Variants in B4GALNT3 observed in about 807,000 individuals in gnomAD.
B4GALNT3 encodes the protein beta-1,4-N-acetyl-galactosaminyltransferase 3.
B4GALNT3 carries 86 observed loss-of-function variants against 120.2 expected under a neutral mutation model. The ratio of observed to expected loss-of-function variants is 0.72; its 90% CI spans 0.60 to 0.86. B4GALNT3 has a LOEUF of 0.86. B4GALNT3 is among the 40% of genes least tolerant of loss of function. The pLI is 0.00. For missense variants in B4GALNT3, 1,167 were observed against 1,298.9 expected (o/e 0.90, Z 1.56); for synonymous variants, 518 against 510.4 (o/e 1.01, Z -0.20).
At chr12:558,168 G>A in intron 17 of B4GALNT3, 80 bp downstream of exon 17, 1 of 1,485,410 alleles carries the variant, frequency 6.7e-7, no homozygotes, top group South Asian at 1.1e-5. Context: ...TAAATGAGGT[G>A]GTGAGCCCCT....
intron 1 of B4GALNT3, among the ~76,000 whole-genome samples, chr12:525,092 T>TTATTTATTTATTTATG (rs370435582): frequency 0.14 from 20,420 of 151,042 alleles, 1,969 homozygotes; most frequent in Admixed American, 0.29. Context: ...ACAATTTTAT[T>TTATTTATTTATTTATG]TATTTATTTA....
chr12:532,919 C>T (rs1012682864), intron 1 of B4GALNT3, among the ~76,000 whole-genome samples: 5 of 152,204 alleles, frequency 3.3e-5, no homozygotes, highest in African/African-American at 4.8e-5. Flanking sequence ...AGCTGAAGAC[C>T]GTCTTCGAGA....
chr12:515,951 C>T (rs1419310050), intron 1 of B4GALNT3, among the ~76,000 whole-genome samples: 2 of 151,680 alleles, frequency 1.3e-5, no homozygotes, highest in South Asian at 2.1e-4. Flanking sequence ...TCCTGGCTAA[C>T]GTGGTGAAAC....
At chr12:464,386 T>C (rs1437046895) in intron 1 of B4GALNT3, among the ~76,000 whole-genome samples, 1 of 152,042 alleles carries the variant, frequency 6.6e-6, no homozygotes, top group African/African-American at 2.4e-5. Context: ...TCCCAGCACT[T>C]TGGGAGGCCG....
chr12:548,398 C>T lies in B4GALNT3; in HGVS notation c.853+101C>T. 9.0e-7 allele frequency: 1 copy of T among 1,115,804 alleles called. No homozygotes were observed. The highest frequency in any genetic ancestry group is 1.3e-6 in the Non-Finnish European group (1 of 745,832). The allele number at this position is 1,115,804 out of a possible 1,614,324, so 69.1% of individuals were successfully genotyped here. Reference sequence around the variant, plus strand: ...GGAGGGGAGGAGGGGAGGAAGGAAGCTCGAGATGCTTGGGACACGGGTATG... The same window carrying T: ...GGAGGGGAGGAGGGGAGGAAGGAAGTTCGAGATGCTTGGGACACGGGTATG... On this transcript the variant is annotated intron_variant, in intron 9 of 19. Transcript: ENST00000266383. This position sits in a 1 kb window ranked among gnomAD's most constrained non-coding sequence, Gnocchi z 4.9.
chr12:467,651 G>T (rs181710890), intron 1 of B4GALNT3, among the ~76,000 whole-genome samples: 1 of 152,128 alleles, frequency 6.6e-6, no homozygotes, highest in South Asian at 2.1e-4. Context: ...TTAACCCTGC[G>T]AAAGCACTTT....
chr12:465,408 C>G (rs979720641), intron 1 of B4GALNT3, among the ~76,000 whole-genome samples: 1 of 152,132 alleles, frequency 6.6e-6, no homozygotes, highest in African/African-American at 2.4e-5. Context: ...TTATCAGGGA[C>G]TGATCCAAGA....
chr12:545,211 C>T, intron 5 of B4GALNT3, 158 bp from the exon 6 acceptor site: 1 of 1,450,258 alleles, frequency 6.9e-7, no homozygotes, highest in Admixed American at 2.5e-5. Context: ...TCCATCTTCA[C>T]ACTGTCTCCC....
chr12:469,033 G>A (rs1359307560), intron 1 of B4GALNT3, among the ~76,000 whole-genome samples: 2 of 152,168 alleles, frequency 1.3e-5, no homozygotes, highest in Non-Finnish European at 2.9e-5. Context: ...TATTTATTTT[G>A]TAAACCTTGA....
At chr12:472,430 G>A (rs926212388) in intron 1 of B4GALNT3, among the ~76,000 whole-genome samples, 2 of 138,378 alleles carry the variant, frequency 1.4e-5, no homozygotes, top group African/African-American at 6.2e-5. Context: ...GCAGGTGCAT[G>A]CCACCATGCC....
intron 1 of B4GALNT3, among the ~76,000 whole-genome samples, chr12:476,808 A>G (rs968288126): frequency 4.6e-5 from 7 of 152,194 alleles, no homozygotes; most frequent in African/African-American, 1.7e-4. Flanking sequence ...GGTGGACCCC[A>G]GGGGTGCAGA....
chr12:542,620 C>G (rs936489966), intron 3 of B4GALNT3, among the ~76,000 whole-genome samples: 4 of 152,082 alleles, frequency 2.6e-5, no homozygotes, highest in Non-Finnish European at 5.9e-5. Context: ...CCCACACTTC[C>G]CCTCTCCTCT....
intron 7 of B4GALNT3, 29 bp from the exon 8 acceptor site, chr12:547,995 C>T: frequency 1.2e-6 from 2 of 1,604,336 alleles, no homozygotes; most frequent in Admixed American, 3.3e-5. Flanking sequence ...GGAGATGGCG[C>T]TCTGCTTCCC....
intron 1 of B4GALNT3, among the ~76,000 whole-genome samples, chr12:533,979 C>T (rs550534880): frequency 2.6e-5 from 4 of 152,192 alleles, no homozygotes; most frequent in African/African-American, 7.2e-5. Flanking sequence ...CTGGTGCTCA[C>T]GTAGGGGTTC....
At chr12:512,922 C>CCTTCCACCTTCCACCTTCCACCTT in intron 1 of B4GALNT3, among the ~76,000 whole-genome samples, 3 of 126,998 alleles carry the variant, frequency 2.4e-5, no homozygotes, top group Non-Finnish European at 3.6e-5. Context: ...CCACCTTCTG[C>CCTTCCACCTTCCACCTTCCACCTT]CTTCCACCTT....
intron 1 of B4GALNT3, among the ~76,000 whole-genome samples, chr12:480,053 A>G (rs1466995025): frequency 1.3e-5 from 2 of 151,808 alleles, no homozygotes; most frequent in Admixed American, 6.6e-5. Context: ...AGCTGGGACT[A>G]CAGGCGCTCG....
chr12:558,812 AC>A, intron 18 of B4GALNT3, 151 bp downstream of exon 18: 2 of 834,512 alleles, frequency 2.4e-6, no homozygotes, highest in Non-Finnish European at 3.6e-6. Flanking sequence ...CGGAAAACTC[AC>A]CAGACAAGGT....
chr12:506,261 A>G (rs1946495967), intron 1 of B4GALNT3, among the ~76,000 whole-genome samples: 1 of 152,316 alleles, frequency 6.6e-6, no homozygotes, highest in Non-Finnish European at 1.5e-5. Context: ...GTCCTTAAAT[A>G]TCATCATTTT....
chr12:533,500 A>G (rs1028273210), intron 1 of B4GALNT3, among the ~76,000 whole-genome samples: 43 of 152,250 alleles, frequency 2.8e-4, no homozygotes, highest in African/African-American at 9.6e-4. Context: ...ACCCAGAGAC[A>G]GATCCCCTGC....
Sources: gnomAD v4.1 joint callset for allele counts (sites outside exome capture counted in the v4.1 genomes callset) on GRCh38, gnomAD v4.1.1 for gene constraint, Gnocchi (gnomAD v3.1) non-coding constraint, MANE v1.5 for transcripts, NCBI Gene and HGNC (gene_info 2026-07-23, HGNC 2026-07-21) for gene names.